The following CLYBL variants were observed in gnomAD, a reference collection of about 807,000 sequenced individuals.
CLYBL encodes the protein citramalyl-CoA lyase.
CLYBL carries 31 observed loss-of-function variants against 38.9 expected under a neutral mutation model. The observed-to-expected ratio is 0.80, with a 90% CI of 0.60 to 1.08. CLYBL has a LOEUF of 1.08. Among genes scored for constraint, CLYBL ranks in the 50% least tolerant of loss-of-function variants. The pLI, the probability that CLYBL is intolerant of heterozygous loss-of-function variation, is 0.00. For missense variants in CLYBL, 434 were observed against 411.6 expected (o/e 1.05, Z -0.47); for synonymous variants, 171 against 158.6 (o/e 1.08, Z -0.59).
intron 1 of CLYBL, among the ~76,000 whole-genome samples, chr13:99,764,303 T>C (rs1178800799): frequency 6.6e-6 from 1 of 152,024 alleles, no homozygotes; most frequent in Non-Finnish European, 1.5e-5. Context: ...TTTTGAAGAA[T>C]TTGCGTAAAA....
intron 1 of CLYBL, among the ~76,000 whole-genome samples, chr13:99,623,811 T>C (rs1393505265): frequency 6.6e-6 from 1 of 151,966 alleles, no homozygotes; most frequent in Non-Finnish European, 1.5e-5. Context: ...TTCAAAAAAT[T>C]AGCCGGGCAT....
intron 9 of CLYBL, among the ~76,000 whole-genome samples, chr13:99,907,263 A>G (rs1305827084): frequency 6.6e-6 from 1 of 152,188 alleles, no homozygotes; most frequent in Non-Finnish European, 1.5e-5. Context: ...CCTGTGCCTC[A>G]GTCTTATTAT....
chr13:99,878,571 A>C (rs1025045999), intron 7 of CLYBL, among the ~76,000 whole-genome samples: 7 of 152,228 alleles, frequency 4.6e-5, no homozygotes, highest in African/African-American at 1.7e-4. Context: ...ATAGTAGCGG[A>C]ACTCTACATA....
At chr13:99,686,133 C>T (rs572098771) in intron 1 of CLYBL, among the ~76,000 whole-genome samples, 8 of 152,190 alleles carry the variant, frequency 5.3e-5, no homozygotes, top group African/African-American at 1.9e-4. Flanking sequence ...GTGGCAGTTC[C>T]CGGGAATTTG....
chr13:99,784,111 C>G (rs1209796158), intron 2 of CLYBL: 1 of 152,162 alleles, frequency 6.6e-6, no homozygotes, highest in Non-Finnish European at 1.5e-5. Flanking sequence ...ACATCTCACA[C>G]AATAGCATGA....
chr13:99,769,226 G>C (rs2049332705), intron 1 of CLYBL, among the ~76,000 whole-genome samples: 1 of 152,210 alleles, frequency 6.6e-6, no homozygotes, highest in Non-Finnish European at 1.5e-5. Flanking sequence ...GGGATGGGTA[G>C]CTGCTGCTCT....
chr13:99,659,107 C>T (rs2047372615), intron 1 of CLYBL, among the ~76,000 whole-genome samples: 1 of 152,158 alleles, frequency 6.6e-6, no homozygotes, highest in African/African-American at 2.4e-5. Flanking sequence ...AATATTTACT[C>T]TTTGCTGGTA....
intron 1 of CLYBL, among the ~76,000 whole-genome samples, chr13:99,610,553 A>G (rs2046610613): frequency 1.3e-5 from 2 of 152,170 alleles, no homozygotes; most frequent in Non-Finnish European, 2.9e-5. Context: ...TAGTCTAACA[A>G]TTAGACAAAG....
intron 1 of CLYBL, among the ~76,000 whole-genome samples, chr13:99,678,152 T>G (rs1191798176): frequency 1.3e-5 from 2 of 152,210 alleles, no homozygotes; most frequent in Non-Finnish European, 2.9e-5. Flanking sequence ...CCGATATTGT[T>G]GAGTTTTAAA....
At chr13:99,878,455 C>T (rs2052106749) in intron 7 of CLYBL, among the ~76,000 whole-genome samples, 1 of 152,120 alleles carries the variant, frequency 6.6e-6, no homozygotes, top group African/African-American at 2.4e-5. Flanking sequence ...TAAATAAAGA[C>T]ATTTAAACAT....
intron 1 of CLYBL, among the ~76,000 whole-genome samples, chr13:99,666,504 A>C (rs1364454704): frequency 6.6e-6 from 1 of 152,042 alleles, no homozygotes; most frequent in Non-Finnish European, 1.5e-5. Flanking sequence ...TTTTCCCTGT[A>C]GGTTTTTTCC....
At chr13:99,627,301 G>A (rs1009602799) in intron 1 of CLYBL, among the ~76,000 whole-genome samples, 1 of 151,972 alleles carries the variant, frequency 6.6e-6, no homozygotes, top group African/African-American at 2.4e-5. Context: ...GTGATGATGA[G>A]TATTGTTTTA....
chr13:99,813,674 G>T (rs905815222), intron 2 of CLYBL, among the ~76,000 whole-genome samples: 3 of 152,154 alleles, frequency 2.0e-5, no homozygotes, highest in Non-Finnish European at 4.4e-5. Flanking sequence ...ATAGCGACAG[G>T]CTTGTCACAC....
rs141216945 is a variant in CLYBL at position 99,866,382 on chromosome 13, A to G, written c.777A>G (p.Arg259=). 1.2e-6 allele frequency: 2 copies of G among 1,613,724 alleles called. No individual in the cohort carries two copies. The highest frequency in any genetic ancestry group is 2.7e-5 in the African/African-American group (2 of 74,900). The stretch of plus-strand genomic sequence containing the variant: ...GAGCTGGGCTGCTTAGACAGTCACG[A>G]GAAGGAGCCGCCATGGGCTTCACTG... ...RDGAGLLRQS[R]EGAAMGFTGK... The change falls in exon 6 of 9, where the codon CGA becomes CGG. Residue 259 remains arginine (R), a synonymous_variant. Transcript: ENST00000339105.
chr13:99,668,273 TA>T (rs34558107), intron 1 of CLYBL, among the ~76,000 whole-genome samples: 5 of 146,014 alleles, frequency 3.4e-5, no homozygotes, highest in African/African-American at 7.7e-5. Context: ...GCCCTTGTCT[TA>T]AAAAAAAAAA....
At chr13:99,829,398 G>A (rs139033588) in intron 2 of CLYBL, among the ~76,000 whole-genome samples, 99 of 152,306 alleles carry the variant, frequency 6.5e-4, no homozygotes, top group African/African-American at 2.3e-3. Flanking sequence ...AAAAAGATCC[G>A]CCATCTGGGG....
intron 1 of CLYBL, among the ~76,000 whole-genome samples, chr13:99,709,061 C>G (rs959150044): frequency 6.6e-6 from 1 of 151,952 alleles, no homozygotes; most frequent in Non-Finnish European, 1.5e-5. Flanking sequence ...CCACTGCACT[C>G]CAGCCTGGGC....
chr13:99,607,550 A>G (rs2046546825), intron 1 of CLYBL, among the ~76,000 whole-genome samples: 1 of 152,180 alleles, frequency 6.6e-6, no homozygotes, highest in African/African-American at 2.4e-5. Flanking sequence ...GCACTTGCCC[A>G]TCGCCTAGGT....
chr13:99,880,347 G>A (rs2052173163), intron 7 of CLYBL, among the ~76,000 whole-genome samples: 4 of 152,122 alleles, frequency 2.6e-5, no homozygotes, highest in Admixed American at 2.6e-4. Flanking sequence ...TTACAGGCAT[G>A]AGCCACTGCA....
Sources: allele counts gnomAD v4.1 joint callset (sites outside exome capture counted in the v4.1 genomes callset), GRCh38; gene constraint gnomAD v4.1.1; transcripts MANE v1.5; gene names NCBI Gene and HGNC (gene_info 2026-07-23, HGNC 2026-07-21).